Variants in PTPRG observed in about 807,000 individuals in gnomAD.
PTPRG encodes the protein protein tyrosine phosphatase receptor type G, also known as receptor-type tyrosine-protein phosphatase gamma.
Under a neutral mutation model 165.3 loss-of-function variants are expected in PTPRG, and 102 were observed. The ratio of observed to expected loss-of-function variants is 0.62; its 90% CI spans 0.53 to 0.73. PTPRG has a LOEUF of 0.73. Among genes scored for constraint, PTPRG ranks in the 30% least tolerant of loss-of-function variants. PTPRG has a pLI of 0.00. For synonymous variants in PTPRG, 675 were observed against 669.5 expected (o/e 1.01, Z -0.13); for missense variants, 1,866 against 1,861.4 (o/e 1.00, Z -0.05).
At chr3:61,776,470 C>G (rs1230871648) in intron 2 of PTPRG, among the ~76,000 whole-genome samples, 2 of 152,086 alleles carry the variant, frequency 1.3e-5, no homozygotes, top group Non-Finnish European at 2.9e-5. Flanking sequence ...ATGGTAAGAA[C>G]CCGTTTGTGT....
At chr3:61,774,582 C>A in intron 2 of PTPRG, among the ~76,000 whole-genome samples, 1 of 152,312 alleles carries the variant, frequency 6.6e-6, no homozygotes, top group South Asian at 2.1e-4. Context: ...CAAGTCTGTT[C>A]CAGTTTGTTT....
At chr3:62,269,264 G>A in intron 20 of PTPRG, 95 bp downstream of exon 20, 1 of 1,305,740 alleles carries the variant, frequency 7.7e-7, no homozygotes, top group Non-Finnish European at 1.0e-6. Flanking sequence ...TAACCAACTT[G>A]GTTTTTAAAA....
At chr3:61,861,963 G>A (rs968843783) in intron 2 of PTPRG, among the ~76,000 whole-genome samples, 5 of 152,146 alleles carry the variant, frequency 3.3e-5, no homozygotes, top group African/African-American at 1.2e-4. Context: ...GGTGAAAATG[G>A]TAAACATTTG....
rs1356954921 is a variant in PTPRG at position 62,130,626 on chromosome 3, CTTATT to C, written c.616-1970_616-1966del. 3.3e-5 allele frequency among the ~76,000 whole-genome samples: 5 copies of C among 152,256 alleles called. No individual in the cohort carries two copies. The East Asian group carries it at 9.6e-4, about 29-fold the overall frequency. On this transcript the variant is annotated intron_variant, in intron 5 of 29. Transcript: ENST00000474889. The stretch of plus-strand genomic sequence containing the variant: ...TGGTATGGAATCATTCTCTGGGATC[CTTATT>C]TTATTCTATTCTGGCCTCTTGAAAC...
chr3:61,651,767 T>C (rs1485478655), intron 1 of PTPRG, among the ~76,000 whole-genome samples: 1 of 152,182 alleles, frequency 6.6e-6, no homozygotes, highest in Admixed American at 6.5e-5. Context: ...CCCAGCACTT[T>C]GGGAGGCCGA....
intron 5 of PTPRG, among the ~76,000 whole-genome samples, chr3:62,128,708 C>T (rs1411376892): frequency 2.0e-5 from 3 of 148,702 alleles, no homozygotes; most frequent in African/African-American, 7.5e-5. Flanking sequence ...CCATATTTTC[C>T]CCATCCCTGG....
At chr3:62,199,937 C>G (rs1270969871) in intron 10 of PTPRG, among the ~76,000 whole-genome samples, 2 of 152,208 alleles carry the variant, frequency 1.3e-5, no homozygotes, top group Non-Finnish European at 2.9e-5. Flanking sequence ...GAAGGGAATT[C>G]TGACACATGC....
At chr3:61,682,943 A>G (rs1000489242) in intron 1 of PTPRG, among the ~76,000 whole-genome samples, 4 of 152,220 alleles carry the variant, frequency 2.6e-5, no homozygotes, top group Non-Finnish European at 5.9e-5. Flanking sequence ...TATGTGATCT[A>G]TTAGCTAAAT....
chr3:62,267,214 C>G (rs1487256550), intron 17 of PTPRG, among the ~76,000 whole-genome samples, 196 bp from the exon 18 acceptor site: 1 of 152,010 alleles, frequency 6.6e-6, no homozygotes, highest in Non-Finnish European at 1.5e-5. Flanking sequence ...AGTTTGCATC[C>G]TGAGAGCAGG....
intron 2 of PTPRG, among the ~76,000 whole-genome samples, chr3:61,781,456 G>T (rs544561505): frequency 1.3e-5 from 2 of 152,258 alleles, no homozygotes; most frequent in Admixed American, 1.3e-4. Flanking sequence ...GGAATACTCT[G>T]TTTTGTGTGG....
intron 1 of PTPRG, among the ~76,000 whole-genome samples, chr3:61,655,472 A>G (rs1702484240): frequency 6.6e-6 from 1 of 152,230 alleles, no homozygotes; most frequent in African/African-American, 2.4e-5. Context: ...TATGGACTAA[A>G]TGAGTATTAT....
At chr3:61,866,058 G>T (rs2037397486) in intron 2 of PTPRG, among the ~76,000 whole-genome samples, 1 of 152,172 alleles carries the variant, frequency 6.6e-6, no homozygotes, top group South Asian at 2.1e-4. Context: ...TACTGGGAAG[G>T]TTCCTGTGGG....
intron 12 of PTPRG, among the ~76,000 whole-genome samples, chr3:62,209,969 A>C (rs1318647622): frequency 6.6e-6 from 1 of 152,182 alleles, no homozygotes. Flanking sequence ...GTACTATTGC[A>C]ACCAACTGTC....
chr3:61,562,490 T>C (rs897603425), intron 1 of PTPRG, 118 bp downstream of exon 1: 1 of 829,872 alleles, frequency 1.2e-6, no homozygotes, highest in Non-Finnish European at 1.9e-6. Flanking sequence ...GGGTGGAGGG[T>C]GGCCCGGCGC....
intron 2 of PTPRG, among the ~76,000 whole-genome samples, chr3:61,835,331 A>G (rs547909062): frequency 3.3e-5 from 5 of 152,080 alleles, no homozygotes; most frequent in South Asian, 4.2e-4. Flanking sequence ...GTGGAAGTCA[A>G]TTTCCTATTC....
intron 2 of PTPRG, among the ~76,000 whole-genome samples, chr3:61,924,764 TG>T (rs2039165007): frequency 6.6e-6 from 1 of 152,242 alleles, no homozygotes. Context: ...TGGTCTCTGC[TG>T]CAACTATTTG....
At chr3:62,064,833 A>G (rs1453530415) in intron 4 of PTPRG, among the ~76,000 whole-genome samples, 3 of 146,654 alleles carry the variant, frequency 2.0e-5, no homozygotes, top group South Asian at 4.3e-4. Flanking sequence ...CCCTGGTTCA[A>G]GTGATTCTCC....
chr3:62,135,363 A>G (rs185324069), intron 6 of PTPRG, among the ~76,000 whole-genome samples: 5 of 152,106 alleles, frequency 3.3e-5, no homozygotes, highest in South Asian at 4.1e-4. Context: ...TGAATGATCT[A>G]TTAATTTGAA....
chr3:61,948,893 C>T (rs1020351025), intron 2 of PTPRG, among the ~76,000 whole-genome samples: 2 of 152,184 alleles, frequency 1.3e-5, no homozygotes, highest in African/African-American at 2.4e-5. Flanking sequence ...CTTGTTACCA[C>T]TGTTAATGTC....
Sources: gnomAD v4.1 joint callset for allele counts (sites outside exome capture counted in the v4.1 genomes callset) on GRCh38, gnomAD v4.1.1 for gene constraint, MANE v1.5 for transcripts, NCBI Gene and HGNC (gene_info 2026-07-23, HGNC 2026-07-21) for gene names.